The following SPTAN1 variants were observed in gnomAD, a reference collection of about 807,000 sequenced individuals.
SPTAN1 encodes spectrin alpha chain, non-erythrocytic 1.
A neutral mutation model predicts 331.3 loss-of-function variants in SPTAN1; 61 were observed. The ratio of observed to expected loss-of-function variants is 0.18; its 90% confidence interval spans 0.15 to 0.23. The LOEUF (loss-of-function observed/expected upper bound fraction) is 0.23. Among genes scored for constraint, SPTAN1 ranks in the 10% least tolerant of loss-of-function variants. SPTAN1 has a pLI of 1.00. For synonymous variants in SPTAN1, 1,153 were observed against 1,173.9 expected, an observed-to-expected ratio of 0.98 and a Z score of 0.36; for missense variants, 2,043 against 3,147.9, an observed-to-expected ratio of 0.65 and a Z score of 8.40.
intron 42 of SPTAN1, 58 bp from the exon 43 acceptor site, chr9:128,617,929 C>T (rs989679837): frequency 3.1e-6 from 5 of 1,613,720 alleles, no homozygotes; most frequent in African/African-American, 1.3e-5. Context: ...CTGGGAGCTT[C>T]GAGACAGAAG....
Position 128,633,195 on chromosome 9 carries a change from C to CTCTT in SPTAN1, c.7309-13_7309-10dup, listed in dbSNP as rs1860107953. On this transcript the variant is annotated splice_polypyrimidine_tract_variant and intron_variant, in intron 56 of 56. Transcript: ENST00000372739. ...AGCTGGCTCAGGCACCAGGTGCCAT[C>CTCTT]TCTTACCCCACAGAACCTGACCCGG... 1.2e-6 allele frequency: 2 copies of CTCTT among 1,611,834 alleles called. No individual in the cohort carries two copies. The highest frequency in any genetic ancestry group is 1.7e-6 in the Non-Finnish European group (2 of 1,178,448).
intron 1 of SPTAN1, among the ~76,000 whole-genome samples, chr9:128,559,735 A>T (rs1461868640): frequency 6.9e-6 from 1 of 145,866 alleles, no homozygotes; most frequent in Non-Finnish European, 1.5e-5. Flanking sequence ...AATAATTTTG[A>T]TTTTTTTTTT....
chr9:128,588,743 C>T, intron 20 of SPTAN1, 66 bp from the exon 21 acceptor site: 3 of 1,606,848 alleles, frequency 1.9e-6, no homozygotes, highest in Non-Finnish European at 2.5e-6. Context: ...TTTGAATCTG[C>T]TCTGTACTTA....
intron 25 of SPTAN1, 95 bp downstream of exon 25, chr9:128,598,599 A>G: frequency 9.3e-7 from 1 of 1,078,742 alleles, no homozygotes; most frequent in Non-Finnish European, 1.4e-6. Context: ...AGTGTTTCAT[A>G]ACACAGAACT....
At chr9:128,581,162 T>C in intron 11 of SPTAN1, 103 bp downstream of exon 11, 1 of 1,487,184 alleles carries the variant, frequency 6.7e-7, no homozygotes, top group South Asian at 1.2e-5. Context: ...AGTACCATGT[T>C]AGTTCTGAAT....
intron 18 of SPTAN1, 91 bp downstream of exon 18, chr9:128,584,934 A>G (rs1020929504): frequency 9.9e-6 from 15 of 1,507,798 alleles, no homozygotes; most frequent in Admixed American, 1.7e-5. Context: ...ATCACAAACC[A>G]GGCTCTGGGG....
In SPTAN1 at chr9:128,598,938, A is replaced by G. The variant is rs759789796; in HGVS notation, c.3520-25A>G. 9 of 1,611,034 alleles carry G rather than the reference A, an allele frequency of 5.6e-6. No individual in the cohort carries two copies. In the Admixed American group the frequency reaches 1.3e-4, roughly 24 times the overall value. On this transcript the variant is annotated intron_variant, in intron 25 of 56. Transcript: ENST00000372739. Reference sequence around the variant, plus strand: ...AGATGTGTATTTCTTCTAATAATAAAACTGGTTTCTCTCTCTCCTTGTAGG... The same window carrying G: ...AGATGTGTATTTCTTCTAATAATAAGACTGGTTTCTCTCTCTCCTTGTAGG...
chr9:128,610,756 C>T (rs777617281), intron 37 of SPTAN1, among the ~76,000 whole-genome samples: 11 of 152,138 alleles, frequency 7.2e-5, no homozygotes, highest in Non-Finnish European at 1.5e-4. Flanking sequence ...CTTCTCCTAG[C>T]CCTTTCATTT....
At chr9:128,620,545 C>T (rs1368253618) in intron 44 of SPTAN1, among the ~76,000 whole-genome samples, 11 of 152,152 alleles carry the variant, frequency 7.2e-5, no homozygotes, top group African/African-American at 2.2e-4. Flanking sequence ...GGTGAAACCC[C>T]GTCTGTACTA....
intron 52 of SPTAN1, among the ~76,000 whole-genome samples, chr9:128,631,148 G>T (rs879356699): frequency 2.0e-5 from 3 of 152,076 alleles, no homozygotes; most frequent in Non-Finnish European, 4.4e-5. Flanking sequence ...CCCGGCCGAG[G>T]GCTCTTCACT....
At chr9:128,562,198 G>A (rs1358509039) in intron 1 of SPTAN1, among the ~76,000 whole-genome samples, 1 of 152,140 alleles carries the variant, frequency 6.6e-6, no homozygotes, top group Admixed American at 6.5e-5. Context: ...CGCCTCTCAG[G>A]TTCAAGCGAT....
rs368986406 is a variant in SPTAN1, at chr9:128,582,440, G to C, written c.1573-39G>C. The C allele has an allele frequency of 5.7e-6, 9 of 1,585,000 alleles. No individual in the cohort carries two copies. The African/African-American group carries it at 9.4e-5, about 17-fold the overall frequency. On this transcript the variant is annotated intron_variant, in intron 12 of 56. Coordinates refer to ENST00000372739, the MANE Select transcript of SPTAN1 (RefSeq NM_001130438.3). ...TCTCCAGAGGCCAAGCTTGGGACTA[G>C]TGTGCTTACCAATGAAGAACTCTTA... is the stretch of plus-strand genomic sequence containing the variant.
rs993544073 is a variant in SPTAN1 at position 128,573,877 on chromosome 9, T to C, written c.364-798T>C. ...TCAAGTGATTCTCCTGCCTCAGCCTTCTGAGTAGCTGGGATTACAGGTGTG... is the reference window on the plus strand; with the variant it reads ...TCAAGTGATTCTCCTGCCTCAGCCTCCTGAGTAGCTGGGATTACAGGTGTG... On this transcript the variant is annotated intron_variant, in intron 3 of 56. Transcript: ENST00000372739. Among the ~76,000 whole-genome samples the C allele has an allele frequency of 4.0e-5, 6 of 151,798 alleles. No homozygotes were observed. The South Asian group carries it at 1.0e-3, about 26-fold the overall frequency.
Position 128,627,740 on chromosome 9 carries a change from C to T in SPTAN1, c.6690-185C>T. The T allele has an allele frequency of 1.2e-6, 1 of 838,446 alleles. No homozygotes were observed. The highest frequency in any genetic ancestry group is 2.0e-6 in the Non-Finnish European group (1 of 489,526). The allele number at this position is 838,446 out of a possible 1,614,324, so 51.9% of individuals were successfully genotyped here. On this transcript the variant is annotated intron_variant, in intron 50 of 56. Coordinates refer to ENST00000372739, the MANE Select transcript of SPTAN1 (RefSeq NM_001130438.3). The surrounding 1 kb of genome is among the most constrained non-coding windows in gnomAD (Gnocchi z 4.9). ...TTAGAGATCCCGGATTGAGTGGGAC[C>T]ATGCAGGGCGCGTGGTCAGCCCCAG... is the stretch of plus-strand genomic sequence containing the variant.
chr9:128,607,965 T>C lies in SPTAN1; in HGVS notation c.4260T>C (p.Leu1420=). 6.2e-7 allele frequency: 1 copy of C among 1,613,948 alleles called. No homozygotes were observed. The highest frequency in any genetic ancestry group is 8.5e-7 in the Non-Finnish European group (1 of 1,179,974). Residue 1420 remains leucine (L), a synonymous_variant, in exon 33 of 57, where the codon CTT becomes CTC. Transcript: ENST00000372739. Reference sequence around the variant, plus strand: ...CCAGCCCTGAGATCAAGCAGAAACTTGATATTCTTGACCAGGAGCGTGCAG... The same window carrying C: ...CCAGCCCTGAGATCAAGCAGAAACTCGATATTCTTGACCAGGAGCGTGCAG... ...HYASPEIKQK[L]DILDQERADL... is the part of the protein sequence containing the mutation.
At chr9:128,598,273 C>CT in intron 24 of SPTAN1, 127 bp from the exon 25 acceptor site, 4 of 733,140 alleles carry the variant, frequency 5.5e-6, no homozygotes, top group East Asian at 2.8e-5. Context: ...TTAATCCCCC[C>CT]CTTTTTTTTT....
Position 128,588,784 on chromosome 9 carries a change from G to A in SPTAN1, c.2872-25G>A, listed in dbSNP as rs771776226. The A allele has an allele frequency of 1.9e-6, 3 of 1,613,624 alleles. No individual in the cohort carries two copies. In the Admixed American group the frequency reaches 5.0e-5, roughly 27 times the overall value. On this transcript the variant is annotated intron_variant, in intron 20 of 56. Coordinates refer to ENST00000372739, the MANE Select transcript of SPTAN1 (RefSeq NM_001130438.3). ...CTCAGCGCGGACGTGTTTTTACCAT[G>A]TTTGCCCTTCCTTTGGATTTTTAGC...
At chr9:128,570,538 A>T (rs1194871650) in intron 3 of SPTAN1, among the ~76,000 whole-genome samples, 3 of 151,210 alleles carry the variant, frequency 2.0e-5, no homozygotes, top group Admixed American at 2.0e-4. Context: ...GGGTTTCATC[A>T]TGTTGACCAG....
chr9:128,574,337 TATATC>T (rs1233555818), intron 3 of SPTAN1, among the ~76,000 whole-genome samples: 7 of 148,304 alleles, frequency 4.7e-5, no homozygotes, highest in Admixed American at 2.7e-4. Context: ...ACAATATAAA[TATATC>T]ATAAATATAA....
Sources: allele counts gnomAD v4.1 joint callset (sites outside exome capture counted in the v4.1 genomes callset), GRCh38; gene constraint gnomAD v4.1.1; non-coding constraint Gnocchi (gnomAD v3.1); transcripts MANE v1.5; gene names NCBI Gene and HGNC (gene_info 2026-07-23, HGNC 2026-07-21).